Variants in CTNNA3 observed in about 807,000 individuals in gnomAD.
The protein encoded by CTNNA3 is catenin alpha 3.
A neutral mutation model predicts 95.7 loss-of-function variants in CTNNA3; 76 were observed. The observed-to-expected ratio is 0.79, with a 90% CI of 0.66 to 0.96. The LOEUF (loss-of-function observed/expected upper bound fraction) is 0.96. Ranked by LOEUF, CTNNA3 falls within the 40% of genes least tolerant of loss-of-function variation. The pLI is 0.00. For synonymous variants in CTNNA3, 431 were observed against 374.4 expected, an observed-to-expected ratio of 1.15 and a Z score of -1.74; for missense variants, 1,191 against 1,089.8, an observed-to-expected ratio of 1.09 and a Z score of -1.31.
chr10:66,328,088 T>C lies in CTNNA3; in HGVS notation c.1733-47467A>G, dbSNP rs186278155. ...TTGACATTGTGCCATGCTAATATTATTTCAAGTGTGATCTCTGCCAAAAGG... is the reference window on the plus strand; with the variant it reads ...TTGACATTGTGCCATGCTAATATTACTTCAAGTGTGATCTCTGCCAAAAGG... On this transcript the variant is annotated intron_variant, in intron 12 of 17. Transcript: ENST00000433211. Among the ~76,000 whole-genome samples, 331 of 152,190 alleles carry C rather than the reference T, an allele frequency of 2.2e-3. 5 individuals are homozygous for C. Among genetic ancestry groups the C allele is most frequent in the South Asian group, 5.0e-3 (24 of 4,826 alleles).
At position 66,423,437 on chromosome 10, in the gene CTNNA3, T is replaced by C. The variant is rs1186701237; in HGVS notation, c.1532-44085A>G. On this transcript the variant is annotated intron_variant, in intron 11 of 17. Coordinates refer to ENST00000433211, the MANE Select transcript of CTNNA3 (RefSeq NM_013266.4). ...GAGCATCACTGTCTTGGACAAGCAC[T>C]ATCATTTTAAAGTTCCCCTTGATCA... 5.3e-5 allele frequency among the ~76,000 whole-genome samples: 8 copies of C among 152,194 alleles called. No homozygotes were observed. In the East Asian group the frequency reaches 1.5e-3, roughly 29 times the overall value.
At chr10:66,161,409 T>C (rs1334929921) in intron 13 of CTNNA3, among the ~76,000 whole-genome samples, 1 of 152,220 alleles carries the variant, frequency 6.6e-6, no homozygotes, top group Non-Finnish European at 1.5e-5. Flanking sequence ...GCAAATTCTC[T>C]CAGCATTTGT....
rs768657659 is a variant in CTNNA3 at position 66,621,766 on chromosome 10, A to G, written c.1300T>C (p.Ser434Pro). The change falls in exon 10 of 18, where the codon TCC becomes CCC. Residue 434 changes from serine to proline, a missense_variant. By Grantham distance (74) the Ser-to-Pro change is moderately conservative (BLOSUM62 -1). Coordinates refer to ENST00000433211, the MANE Select transcript of CTNNA3 (RefSeq NM_013266.4). ...ATTCCATCTTCATTTGTTGACATGG[A>G]ACAAGCAAGATTTGCCACCTTAAAT... is the stretch of plus-strand genomic sequence containing the variant. ...RLVEVANLAC[S>P]MSTNEDGIKI... is the part of the protein sequence containing the mutation. 3 of 1,607,180 alleles carry G rather than the reference A, an allele frequency of 1.9e-6. No individual in the cohort carries two copies. Among genetic ancestry groups the G allele is most frequent in the South Asian group, 2.2e-5 (2 of 89,098 alleles).
chr10:66,970,878 A>G (rs902928032), intron 7 of CTNNA3, among the ~76,000 whole-genome samples: 5 of 152,148 alleles, frequency 3.3e-5, no homozygotes, highest in African/African-American at 1.2e-4. Flanking sequence ...TCAAGATAAT[A>G]CAGATCTCAA....
In CTNNA3 at chr10:66,247,467, C is replaced by T. The variant is rs183338775; in HGVS notation, c.1884+33003G>A. Among the ~76,000 whole-genome samples, 15 of 152,100 alleles carry T rather than the reference C, an allele frequency of 9.9e-5. No individual in the cohort carries two copies. In the East Asian group the frequency reaches 1.7e-3, roughly 18 times the overall value. ...AATTTCAGAGAACTTCCAAAATCTA[C>T]GATATCAATATTTAAGTACAATAGG... is the stretch of plus-strand genomic sequence containing the variant. On this transcript the variant is annotated intron_variant, in intron 13 of 17. Transcript: ENST00000433211.
At chr10:66,482,491 C>A (rs1839571989) in intron 11 of CTNNA3, among the ~76,000 whole-genome samples, 1 of 152,264 alleles carries the variant, frequency 6.6e-6, no homozygotes, top group South Asian at 2.1e-4. Flanking sequence ...TTCAGTTTAT[C>A]ATTGGCCGCA....
At chr10:67,387,066 G>T (rs189287306) in intron 5 of CTNNA3, among the ~76,000 whole-genome samples, 7 of 152,308 alleles carry the variant, frequency 4.6e-5, no homozygotes, top group Admixed American at 4.6e-4. Context: ...CAAGACGGCC[G>T]AATAGGAACG....
chr10:66,173,178 A>T (rs2085520179), intron 13 of CTNNA3, among the ~76,000 whole-genome samples: 1 of 152,192 alleles, frequency 6.6e-6, no homozygotes, highest in Non-Finnish European at 1.5e-5. Context: ...ACATTTGAAC[A>T]TTTACCATGA....
chr10:67,166,071 C>T (rs1861756814), intron 7 of CTNNA3, among the ~76,000 whole-genome samples: 1 of 152,092 alleles, frequency 6.6e-6, no homozygotes, highest in Non-Finnish European at 1.5e-5. Context: ...TTAAAATTGC[C>T]AAGGAGGAAG....
At chr10:66,345,687 T>C (rs1017047961) in intron 12 of CTNNA3, among the ~76,000 whole-genome samples, 5 of 152,232 alleles carry the variant, frequency 3.3e-5, no homozygotes, top group East Asian at 1.9e-4. Context: ...CTTCATGATA[T>C]AGCAAAATAA....
At chr10:66,550,670 C>T (rs1842187159) in intron 10 of CTNNA3, among the ~76,000 whole-genome samples, 1 of 151,996 alleles carries the variant, frequency 6.6e-6, no homozygotes, top group African/African-American at 2.4e-5. Context: ...TTAGATCTAC[C>T]GTTTTATTAT....
intron 11 of CTNNA3, among the ~76,000 whole-genome samples, chr10:66,417,079 T>G (rs996099922): frequency 1.3e-5 from 2 of 151,990 alleles, no homozygotes; most frequent in African/African-American, 4.8e-5. Context: ...ATTCTTCACT[T>G]AAAAGCTATA....
At chr10:66,067,059 CT>C (rs372347909) in intron 15 of CTNNA3, among the ~76,000 whole-genome samples, 237 of 152,194 alleles carry the variant, frequency 1.6e-3, no homozygotes, top group African/African-American at 5.6e-3. Context: ...AAGTTTTTCT[CT>C]GATTTTTTTC....
chr10:66,428,808 T>C (rs899503317), intron 11 of CTNNA3, among the ~76,000 whole-genome samples: 3 of 151,228 alleles, frequency 2.0e-5, no homozygotes, highest in African/African-American at 4.9e-5. Context: ...GCAGGAAAGA[T>C]CCAAAATTGA....
chr10:66,985,382 C>T (rs983578950), intron 7 of CTNNA3, among the ~76,000 whole-genome samples: 4 of 152,098 alleles, frequency 2.6e-5, no homozygotes, highest in Non-Finnish European at 4.4e-5. Flanking sequence ...CAGCTCAGAA[C>T]ATGAAAATAT....
chr10:67,678,992 A>G (rs536848017), intron 1 of CTNNA3, among the ~76,000 whole-genome samples: 1 of 152,328 alleles, frequency 6.6e-6, no homozygotes, highest in Admixed American at 6.5e-5. Context: ...AAGCAAAATA[A>G]CAATATTTTT....
intron 5 of CTNNA3, among the ~76,000 whole-genome samples, chr10:67,296,353 T>C (rs1426767712): frequency 2.0e-5 from 3 of 152,198 alleles, no homozygotes; most frequent in East Asian, 1.9e-4. Context: ...TTCTGAATTA[T>C]ATACATACAG....
chr10:66,515,345 C>CTCTCTCTATATATATATATATA (rs558913767), intron 11 of CTNNA3, among the ~76,000 whole-genome samples: 1 of 148,894 alleles, frequency 6.7e-6, no homozygotes, highest in Non-Finnish European at 1.5e-5. Flanking sequence ...CTCTCTCTCT[C>CTCTCTCTATATATATATATATA]TATATATATA....
intron 3 of CTNNA3, among the ~76,000 whole-genome samples, chr10:67,593,297 T>C (rs958112148): frequency 1.3e-5 from 2 of 152,166 alleles, no homozygotes; most frequent in Admixed American, 1.3e-4. Flanking sequence ...TATGTGTCTT[T>C]TTGGTAGAAT....
Sources: allele counts gnomAD v4.1 joint callset (sites outside exome capture counted in the v4.1 genomes callset), GRCh38; gene constraint gnomAD v4.1.1; transcripts MANE v1.5; gene names NCBI Gene and HGNC (gene_info 2026-07-23, HGNC 2026-07-21).